The following WDHD1 variants were observed in gnomAD, a reference collection of about 807,000 sequenced individuals.
WDHD1 encodes the protein WD repeat and HMG-box DNA-binding protein 1.
In WDHD1, 111 loss-of-function variants were observed where a neutral mutation model predicts 135.4. The observed-to-expected ratio is 0.82, with a 90% confidence interval of 0.70 to 0.96. WDHD1 has a LOEUF of 0.96. Among genes scored for constraint, WDHD1 ranks in the 40% least tolerant of loss-of-function variants. WDHD1 has a pLI of 0.00. For missense variants in WDHD1, 1,351 were observed against 1,336.3 expected (o/e 1.01, Z -0.17); for synonymous variants, 434 against 439.0 (o/e 0.99, Z 0.14).
At chr14:55,013,299 A>C (rs2042204113) in intron 3 of WDHD1, among the ~76,000 whole-genome samples, 186 bp downstream of exon 3, 1 of 151,966 alleles carries the variant, frequency 6.6e-6, no homozygotes, top group African/African-American at 2.4e-5. Flanking sequence ...CTATATTCAA[A>C]AATATTTTTC....
chr14:55,001,159 C>T lies in WDHD1; in HGVS notation c.694-167G>A, dbSNP rs565965990. ...GTTCTATATTATTTCTAATTATATT[C>T]GATACAAGACAAAGTTTGCTTATTT... On this transcript the variant is annotated intron_variant, in intron 8 of 25. Coordinates refer to ENST00000360586, the MANE Select transcript of WDHD1 (RefSeq NM_007086.4). Among the ~76,000 whole-genome samples, 37 of 151,796 alleles carry T rather than the reference C, an allele frequency of 2.4e-4. 3 individuals carry two copies. In the South Asian group the frequency reaches 7.3e-3, roughly 30 times the overall value.
At position 54,952,311 on chromosome 14, in the gene WDHD1, A is replaced by C. The variant is rs552030902; in HGVS notation, c.3050+3250T>G. Among the ~76,000 whole-genome samples the C allele has an allele frequency of 3.3e-5, 5 of 152,352 alleles. No homozygotes were observed. In the South Asian group the frequency reaches 1.0e-3, roughly 32 times the overall value. ...CAGCAAAGTCTCAGGATACAAAATC[A>C]ATGTGCAAAAATCGCAAGCATTCTT... is the stretch of plus-strand genomic sequence containing the variant. On this transcript the variant is annotated intron_variant, in intron 24 of 25. Transcript: ENST00000360586.
In WDHD1 at chr14:54,981,554, A is replaced by G. The variant is rs2140189973; in HGVS notation, c.2049T>C (p.Asn683=). The change falls in exon 16 of 26, where the codon AAT becomes AAC. Residue 683 remains asparagine, a synonymous_variant. Coordinates refer to ENST00000360586, the MANE Select transcript of WDHD1 (RefSeq NM_007086.4). ...DHYWVVGIHE[N]PQQLRCIPCK... is the part of the protein sequence containing the mutation. ...TAATAGCCCACCTTAGTTGCTGGGG[A>G]TTTTCATGGATACCAACCACCCAGT... is the stretch of plus-strand genomic sequence containing the variant. 6.2e-7 allele frequency: 1 copy of G among 1,610,758 alleles called. No homozygotes were observed. The highest frequency in any genetic ancestry group is 1.1e-5 in the South Asian group (1 of 90,034).
chr14:54,986,588 A>G (rs8018800), intron 14 of WDHD1, among the ~76,000 whole-genome samples: 64,751 of 151,998 alleles, frequency 0.43, 15,591 homozygotes, highest in African/African-American at 0.66. Flanking sequence ...CAGCTAAAAG[A>G]TAGAGCCAAC....
At chr14:55,012,597 C>T (rs184013596) in intron 3 of WDHD1, among the ~76,000 whole-genome samples, 1 of 152,178 alleles carries the variant, frequency 6.6e-6, no homozygotes, top group East Asian at 1.9e-4. Flanking sequence ...TATAAGAATC[C>T]CACAGACTGG....
At chr14:54,969,306 G>A (rs1203625886) in intron 16 of WDHD1, among the ~76,000 whole-genome samples, 15 of 150,198 alleles carry the variant, frequency 1.0e-4, no homozygotes, top group Non-Finnish European at 1.6e-4. Context: ...GATTACAGGC[G>A]TGAGCCACCG....
intron 10 of WDHD1, 54 bp from the exon 11 acceptor site, chr14:54,995,867 C>CA: frequency 7.2e-7 from 1 of 1,388,166 alleles, no homozygotes; most frequent in Non-Finnish European, 9.5e-7. Context: ...TAGAAAAACT[C>CA]AATTACTAAA....
At position 54,999,893 on chromosome 14, in the gene WDHD1, C is replaced by T. The variant is rs145816455; in HGVS notation, c.942+610G>A. ...ACAGGTGTGAGTCACTGCAGCAGAG[C>T]TCAAAATTATTTTTATAATCATCCC... On this transcript the variant is annotated intron_variant, in intron 10 of 25. Transcript: ENST00000360586. Among the ~76,000 whole-genome samples, 4 of 152,280 alleles carry T rather than the reference C, an allele frequency of 2.6e-5. No homozygotes were observed. In the East Asian group the frequency reaches 7.7e-4, roughly 29 times the overall value.
At chr14:55,002,408 C>T (rs1310783321) in intron 7 of WDHD1, among the ~76,000 whole-genome samples, 1 of 151,966 alleles carries the variant, frequency 6.6e-6, no homozygotes, top group Non-Finnish European at 1.5e-5. Context: ...GTAGCTGGGA[C>T]TACAGGCATA....
rs139440460 is a variant in WDHD1, at chr14:55,000,983, T to A, written c.703A>T (p.Ile235Leu). ...SDNFISQTLN[I>L]VTWSPCGQYL... is the part of the protein sequence containing the mutation. ...TGCCCACAGGGAGACCAGGTTACTA[T>A]ATTGAGGGTCTGTAAAGAAAAACAG... The change falls in exon 9 of 26, where the codon ATA becomes TTA. Residue 235 changes from isoleucine to leucine, a missense_variant. Around this residue, in one of 2 missense-constraint regions of WDHD1, gnomAD observed 1,330 missense variants for 1,296.1 expected, o/e 1.03. Transcript: ENST00000360586. The A allele has an allele frequency of 1.3e-6, 2 of 1,557,228 alleles. No homozygotes were observed. Among genetic ancestry groups the A allele is most frequent in the Middle Eastern group, 3.4e-4 (2 of 5,890 alleles).
intron 24 of WDHD1, among the ~76,000 whole-genome samples, chr14:54,954,824 G>C (rs1337578219): frequency 6.6e-6 from 1 of 152,084 alleles, no homozygotes; most frequent in African/African-American, 2.4e-5. Flanking sequence ...CCGCGTCCCG[G>C]GTTCAAGTGA....
chr14:55,014,678 G>A (rs115907350), intron 2 of WDHD1, among the ~76,000 whole-genome samples: 4,875 of 151,660 alleles, frequency 0.032, 253 homozygotes, highest in African/African-American at 0.11. Context: ...ATACAAAAAA[G>A]CAAATAAAAA....
At chr14:55,012,598 C>CA (rs2042189424) in intron 3 of WDHD1, among the ~76,000 whole-genome samples, 1 of 152,274 alleles carries the variant, frequency 6.6e-6, no homozygotes, top group South Asian at 2.1e-4. Flanking sequence ...ATAAGAATCC[C>CA]ACAGACTGGG....
Position 54,995,648 on chromosome 14 carries a change from G to A in WDHD1, c.1108C>T (p.Pro370Ser). 1 of 1,612,560 alleles carries A rather than the reference G, an allele frequency of 6.2e-7. No homozygotes were observed. The highest frequency in any genetic ancestry group is 8.5e-7 in the Non-Finnish European group (1 of 1,179,364). ...TCTAGGATGTGACTTCGCTGTCTAG[G>A]ACGACCTGAAGCCATCATGAGGTCT... ...DEDLMMASGR[P>S]RQRSHILEDD... The change falls in exon 11 of 26, where the codon CCT becomes TCT. Residue 370 changes from proline (P) to serine (S), a missense_variant. Pro to Ser is a moderately conservative substitution (Grantham distance 74). Coordinates refer to ENST00000360586, the MANE Select transcript of WDHD1 (RefSeq NM_007086.4).
At chr14:54,950,754 A>G (rs1443375405) in intron 24 of WDHD1, among the ~76,000 whole-genome samples, 3 of 152,170 alleles carry the variant, frequency 2.0e-5, no homozygotes, top group African/African-American at 7.2e-5. Flanking sequence ...GAAGTAAAGC[A>G]CTCCTCAGCA....
At chr14:54,980,309 G>A (rs1250119925) in intron 16 of WDHD1, among the ~76,000 whole-genome samples, 1 of 151,276 alleles carries the variant, frequency 6.6e-6, no homozygotes, top group East Asian at 1.9e-4. Context: ...GGGTGACAGA[G>A]TGAGACTCTG....
chr14:55,019,146 A>G (rs2042304785), intron 2 of WDHD1, among the ~76,000 whole-genome samples: 1 of 152,250 alleles, frequency 6.6e-6, no homozygotes, highest in African/African-American at 2.4e-5. Flanking sequence ...ACTGTATTAA[A>G]AATATATTTT....
intron 16 of WDHD1, among the ~76,000 whole-genome samples, chr14:54,979,549 T>A (rs1214243408): frequency 1.3e-5 from 2 of 152,208 alleles, no homozygotes; most frequent in Admixed American, 1.3e-4. Flanking sequence ...TAACATTTTA[T>A]CACTTTTATC....
In WDHD1 at chr14:54,991,487, C is replaced by T. The variant is rs574306145; in HGVS notation, c.1154-87G>A. 5.7e-5 allele frequency: 72 copies of T among 1,269,732 alleles called. 1 individual carries two copies. Among genetic ancestry groups the T allele is most frequent in the South Asian group, 1.5e-4 (11 of 72,994 alleles). The allele number at this position is 1,269,732 out of a possible 1,614,324, so 78.7% of individuals were successfully genotyped here. The stretch of plus-strand genomic sequence containing the variant: ...GCATTATGGAATCTAGTAACTTTTT[C>T]ATTCATATTCAATGACACTGACATG... On this transcript the variant is annotated intron_variant, in intron 11 of 25. Transcript: ENST00000360586.
Sources: allele counts gnomAD v4.1 joint callset (sites outside exome capture counted in the v4.1 genomes callset), GRCh38; gene constraint gnomAD v4.1.1; regional missense constraint gnomAD v4.1.1; transcripts MANE v1.5; gene names NCBI Gene and HGNC (gene_info 2026-07-23, HGNC 2026-07-21).